CCDC32: variants seen among roughly 807,000 people sequenced by gnomAD.
CCDC32 encodes the protein coiled-coil domain-containing protein 32.
In CCDC32, 9 loss-of-function variants were observed where a neutral mutation model predicts 20.1. The observed-to-expected ratio is 0.45, with a 90% CI of 0.27 to 0.78. The LOEUF is 0.78. Among genes scored for constraint, CCDC32 ranks in the 30% least tolerant of loss-of-function variants. The probability of loss-of-function intolerance (pLI) is 0.16; values close to 1 mark genes in which losing one functional copy is unlikely to be tolerated. For missense variants in CCDC32, 204 were observed against 215.5 expected, an observed-to-expected ratio of 0.95 and a Z score of 0.33; for synonymous variants, 63 against 79.0, an observed-to-expected ratio of 0.80 and a Z score of 1.07.
downstream of CCDC32, chr15:40,532,357 G>A: frequency 1.4e-6 from 1 of 699,984 alleles, no homozygotes; most frequent in Non-Finnish European, 2.6e-6. Context: ...ATTTTGGATT[G>A]AAGATAAATG....
downstream of CCDC32, chr15:40,537,407 C>G (rs1363317475): frequency 6.6e-6 from 1 of 152,252 alleles, no homozygotes; most frequent in African/African-American, 2.4e-5. Flanking sequence ...GTGAATGATG[C>G]AGTGCCTGTG....
chr15:40,558,649 C>T (rs1012523731), intron 2 of CCDC32, among the ~76,000 whole-genome samples: 8 of 152,002 alleles, frequency 5.3e-5, no homozygotes, highest in South Asian at 4.1e-4. Flanking sequence ...TCCCTTCTGC[C>T]GCTGTCTCCC....
chr15:40,526,117 G>C (rs1473233001), downstream of CCDC32, among the ~76,000 whole-genome samples: 1 of 152,180 alleles, frequency 6.6e-6, no homozygotes, highest in Non-Finnish European at 1.5e-5. Flanking sequence ...AATGTGGGCT[G>C]TGTAGACCAG....
chr15:40,535,469 A>G, downstream of CCDC32: 1 of 988,748 alleles, frequency 1.0e-6, no homozygotes, highest in African/African-American at 1.7e-5. Context: ...ACAAATTTAT[A>G]TTTTGAAGGA....
chr15:40,552,279 C>T (rs572856597), downstream of CCDC32, among the ~76,000 whole-genome samples: 14 of 151,746 alleles, frequency 9.2e-5, no homozygotes, highest in East Asian at 5.8e-4. Flanking sequence ...GTCAGGAGTT[C>T]GAGACCAGCC....
downstream of CCDC32, chr15:40,535,289 G>A: frequency 7.6e-7 from 1 of 1,316,820 alleles, no homozygotes. Flanking sequence ...CAAACTGTAT[G>A]AGCACCTTGT....
downstream of CCDC32, among the ~76,000 whole-genome samples, chr15:40,528,123 T>C (rs957951346): frequency 2.0e-5 from 3 of 152,242 alleles, no homozygotes; most frequent in Non-Finnish European, 1.5e-5. Flanking sequence ...AGGGCACTTC[T>C]AAAGTGTAAA....
downstream of CCDC32, among the ~76,000 whole-genome samples, chr15:40,532,725 T>G (rs1168815256): frequency 7.1e-6 from 1 of 141,398 alleles, no homozygotes; most frequent in Non-Finnish European, 1.5e-5. Flanking sequence ...TTTTTTTTTT[T>G]TTTTTTTTTT....
At chr15:40,552,167 CAAAA>C (rs113158589), downstream of CCDC32, among the ~76,000 whole-genome samples, 3 of 144,056 alleles carry the variant, frequency 2.1e-5, no homozygotes, top group Non-Finnish European at 3.1e-5. Context: ...CTCAAAAAAA[CAAAA>C]AAAAAATAAA....
downstream of CCDC32, chr15:40,534,930 T>A (rs1014040042): frequency 1.4e-5 from 10 of 702,290 alleles, no homozygotes; most frequent in Non-Finnish European, 2.6e-5. Flanking sequence ...GATGTCAGGG[T>A]CTGAAGGCTT....
chr15:40,539,880 A>ACACACACACACACACACACACC (rs769226221), intron 3 of CCDC32, among the ~76,000 whole-genome samples: 7 of 139,140 alleles, frequency 5.0e-5, no homozygotes, highest in Admixed American at 7.2e-5. Context: ...ACACACACAC[A>ACACACACACACACACACACACC]CCCCGCTCCT....
intron 3 of CCDC32, chr15:40,539,466 C>T (rs545582143): frequency 1.1e-5 from 10 of 941,292 alleles, no homozygotes; most frequent in African/African-American, 3.3e-5. Context: ...ACCGAGAGTG[C>T]GAAGGTGCGA....
intron 2 of CCDC32, among the ~76,000 whole-genome samples, chr15:40,558,400 TGAG>T (rs1433131807): frequency 4.6e-5 from 7 of 152,184 alleles, no homozygotes; most frequent in Admixed American, 3.3e-4. Flanking sequence ...GTTTTCTCCT[TGAG>T]GATATAAAAA....
chr15:40,549,464 C>T (rs866657317), downstream of CCDC32, among the ~76,000 whole-genome samples: 3 of 152,194 alleles, frequency 2.0e-5, no homozygotes, highest in Admixed American at 2.0e-4. Flanking sequence ...CTCAGCTCCC[C>T]TAACACGGCC....
rs535065491 is a variant in CCDC32 at position 40,539,506 on chromosome 15, G to A, written c.402-151C>T. ...GTGAGGTGTCGACACAGCCTCAGCCGTGCAGGACTGCAGGAAAAATAAAGC... is the reference window on the plus strand; with the variant it reads ...GTGAGGTGTCGACACAGCCTCAGCCATGCAGGACTGCAGGAAAAATAAAGC... On this transcript the variant is annotated intron_variant, in intron 3 of 3. Transcript: ENST00000558113. 2.4e-4 allele frequency among the ~76,000 whole-genome samples: 36 copies of A among 152,142 alleles called. No homozygotes were observed. In the East Asian group the frequency reaches 5.2e-3, roughly 22 times the overall value.
chr15:40,561,976 T>C lies in CCDC32; in HGVS notation c.244+796A>G, dbSNP rs1301602709. 1.0e-4 allele frequency: 4 copies of C among 40,084 alleles called. 1 individual carries two copies. In the Admixed American group the frequency reaches 1.1e-3, roughly 11 times the overall value. 2.5% of individuals were successfully genotyped at this position (40,084 alleles called of 1,614,324 possible). A position where few individuals can be genotyped will look rare whatever the true frequency, so the allele number is the denominator to read the frequency against. On this transcript the variant is annotated intron_variant, in intron 2 of 3. Coordinates refer to ENST00000416810, the MANE Select transcript of CCDC32 (RefSeq NM_001080792.4). ...TGGCCGCAGGACAGGGTACTGAAAA[T>C]GTGTTCAGGAAATATTTTTAAAATA...
chr15:40,563,851 C>G (rs950266101), intron 1 of CCDC32, among the ~76,000 whole-genome samples: 42 of 149,970 alleles, frequency 2.8e-4, no homozygotes, highest in African/African-American at 9.1e-4. Context: ...GACAGAGTCT[C>G]GCTCTGTCGC....
chr15:40,548,342 C>T (rs375272215), downstream of CCDC32, among the ~76,000 whole-genome samples: 7 of 152,284 alleles, frequency 4.6e-5, no homozygotes, highest in East Asian at 1.2e-3. Context: ...TTGCCCCTCT[C>T]CCTACTGTAG....
At chr15:40,544,268 C>T (rs868439826) in intron 3 of CCDC32, among the ~76,000 whole-genome samples, 16 of 152,184 alleles carry the variant, frequency 1.1e-4, no homozygotes, top group South Asian at 6.2e-4. Flanking sequence ...GGATAGGGTG[C>T]GGTAGGGCAA....
Sources: gnomAD v4.1 joint callset for allele counts (sites outside exome capture counted in the v4.1 genomes callset) on GRCh38, gnomAD v4.1.1 for gene constraint, MANE v1.5 for transcripts, NCBI Gene and HGNC (gene_info 2026-07-23, HGNC 2026-07-21) for gene names.